Variants in ATAD1 observed in about 807,000 individuals in gnomAD.
The protein encoded by ATAD1 is ATPase family AAA domain containing 1, also known as outer mitochondrial transmembrane helix translocase.
Under a neutral mutation model 42.7 loss-of-function variants are expected in ATAD1, and 18 were observed. The ratio of observed to expected loss-of-function variants is 0.42; its 90% CI spans 0.29 to 0.63. ATAD1 has a LOEUF of 0.63. Among genes scored for constraint, ATAD1 ranks in the 20% least tolerant of loss-of-function variants. The probability of loss-of-function intolerance (pLI) is 0.19; values close to 1 mark genes in which losing one functional copy is unlikely to be tolerated. For synonymous variants in ATAD1, 132 were observed against 143.1 expected (o/e 0.92, Z 0.55); for missense variants, 294 against 440.4 (o/e 0.67, Z 2.98).
chr10:87,785,354 C>T (rs928151902), intron 4 of ATAD1, among the ~76,000 whole-genome samples: 11 of 150,162 alleles, frequency 7.3e-5, no homozygotes, highest in Admixed American at 6.7e-5. Flanking sequence ...ATAGCATTTT[C>T]TAAATTTAAT....
chr10:87,786,576 G>A (rs1194475313), intron 4 of ATAD1, among the ~76,000 whole-genome samples: 4 of 152,240 alleles, frequency 2.6e-5, no homozygotes, highest in Admixed American at 6.5e-5. Context: ...GGGACAGGCT[G>A]TAACAGAGAA....
chr10:87,785,492 T>TACAG (rs1855781734), intron 4 of ATAD1, among the ~76,000 whole-genome samples: 1 of 150,946 alleles, frequency 6.6e-6, no homozygotes, highest in Non-Finnish European at 1.5e-5. Flanking sequence ...ATAAACCATC[T>TACAG]ACAGACAGCC....
chr10:87,839,100 A>T (rs1452401978), intron 1 of ATAD1, among the ~76,000 whole-genome samples: 1 of 152,258 alleles, frequency 6.6e-6, no homozygotes, highest in Non-Finnish European at 1.5e-5. Flanking sequence ...AGACAGAAAT[A>T]GAAACAAATC....
chr10:87,823,742 C>T (rs181360902), intron 1 of ATAD1, among the ~76,000 whole-genome samples: 1 of 152,262 alleles, frequency 6.6e-6, no homozygotes, highest in Admixed American at 6.5e-5. Context: ...CCTTTATAAC[C>T]TAGAGCAATT....
chr10:87,758,936 C>T (rs2131760579), intron 8 of ATAD1, among the ~76,000 whole-genome samples: 1 of 152,244 alleles, frequency 6.6e-6, no homozygotes, highest in East Asian at 1.9e-4. Flanking sequence ...CCGGTGACAG[C>T]ACCTGTGATC....
At chr10:87,786,507 G>C (rs1036661897) in intron 4 of ATAD1, among the ~76,000 whole-genome samples, 2 of 152,184 alleles carry the variant, frequency 1.3e-5, no homozygotes, top group Non-Finnish European at 2.9e-5. Flanking sequence ...AGTTATGAGT[G>C]TCTGGAGTGC....
At chr10:87,774,738 C>T (rs115021986) in intron 6 of ATAD1, among the ~76,000 whole-genome samples, 228 of 152,230 alleles carry the variant, frequency 1.5e-3, no homozygotes, top group African/African-American at 5.2e-3. Context: ...ACTGCTTGAG[C>T]TCAGGAGTTC....
chr10:87,796,003 T>C (rs1346964920), intron 2 of ATAD1, among the ~76,000 whole-genome samples: 1 of 152,196 alleles, frequency 6.6e-6, no homozygotes, highest in African/African-American at 2.4e-5. Context: ...ATCACTGATA[T>C]AAAGCTTTTT....
At chr10:87,768,316 A>G (rs541176921) in intron 7 of ATAD1, among the ~76,000 whole-genome samples, 7 of 152,346 alleles carry the variant, frequency 4.6e-5, no homozygotes, top group African/African-American at 1.4e-4. Context: ...TATATAGTCA[A>G]TATAGATGCT....
intron 2 of ATAD1, among the ~76,000 whole-genome samples, chr10:87,808,409 T>G (rs1014427058): frequency 1.4e-4 from 21 of 151,932 alleles, no homozygotes; most frequent in African/African-American, 4.8e-4. Context: ...ATGTTTCCAA[T>G]TCTTCACTAT....
At chr10:87,828,563 A>G (rs1857770286) in intron 1 of ATAD1, among the ~76,000 whole-genome samples, 1 of 152,246 alleles carries the variant, frequency 6.6e-6, no homozygotes, top group Non-Finnish European at 1.5e-5. Context: ...GCAAGTGCTA[A>G]TGGAGAAGCT....
intron 2 of ATAD1, among the ~76,000 whole-genome samples, chr10:87,806,713 G>A (rs1279711598): frequency 1.3e-5 from 2 of 152,038 alleles, no homozygotes; most frequent in African/African-American, 4.8e-5. Flanking sequence ...ATGCCACTCT[G>A]GCATAATAAT....
At chr10:87,826,007 G>T (rs1175439902) in intron 1 of ATAD1, among the ~76,000 whole-genome samples, 1 of 152,184 alleles carries the variant, frequency 6.6e-6, no homozygotes, top group Non-Finnish European at 1.5e-5. Context: ...CCAGGGCAAA[G>T]CTGGCTGATT....
At chr10:87,794,965 G>C (rs545757427) in intron 2 of ATAD1, among the ~76,000 whole-genome samples, 2 of 152,188 alleles carry the variant, frequency 1.3e-5, no homozygotes, top group Admixed American at 1.3e-4. Flanking sequence ...AAAGAAAAGG[G>C]AAAAGGAACT....
At chr10:87,818,313 G>C (rs1338829376), upstream of ATAD1, 14 of 955,486 alleles carry the variant, frequency 1.5e-5, no homozygotes, top group Non-Finnish European at 1.7e-5. Flanking sequence ...GCGCGGAGGG[G>C]GCGTGCTCCC....
upstream of ATAD1, among the ~76,000 whole-genome samples, chr10:87,820,699 C>A (rs1204336142): frequency 6.6e-6 from 1 of 152,150 alleles, no homozygotes; most frequent in Non-Finnish European, 1.5e-5. Context: ...AGTGGTTCAG[C>A]CACTGGAAAC....
chr10:87,773,166 T>TA (rs1431960307), intron 6 of ATAD1, among the ~76,000 whole-genome samples: 3 of 151,990 alleles, frequency 2.0e-5, no homozygotes, highest in African/African-American at 2.4e-5. Context: ...AATAAAAGTT[T>TA]AAAAAAAACT....
At chr10:87,755,939 G>A (rs999797740) in intron 9 of ATAD1, among the ~76,000 whole-genome samples, 3 of 152,152 alleles carry the variant, frequency 2.0e-5, no homozygotes, top group Non-Finnish European at 4.4e-5. Flanking sequence ...TAGATTCTGA[G>A]GGTGCACTAA....
chr10:87,794,714 T>C (rs1452571204), intron 2 of ATAD1, among the ~76,000 whole-genome samples: 1 of 152,194 alleles, frequency 6.6e-6, no homozygotes, highest in Non-Finnish European at 1.5e-5. Context: ...TATTCCCTAT[T>C]AGCTAGTTGC....
Sources: allele counts gnomAD v4.1 joint callset (sites outside exome capture counted in the v4.1 genomes callset), GRCh38; gene constraint gnomAD v4.1.1; transcripts MANE v1.5; gene names NCBI Gene and HGNC (gene_info 2026-07-23, HGNC 2026-07-21).